Variants in EIF4E3 observed in about 807,000 individuals in gnomAD.
EIF4E3 encodes the protein eukaryotic translation initiation factor 4E type 3.
EIF4E3 carries 26 observed loss-of-function variants against 31.7 expected under a neutral mutation model. That is an observed-to-expected ratio of 0.82 (90% CI 0.60 to 1.14). The LOEUF is 1.14. EIF4E3 is among the 50% of genes most tolerant of loss of function. EIF4E3 has a pLI of 0.00. For synonymous variants in EIF4E3, 128 were observed against 107.7 expected, an observed-to-expected ratio of 1.19 and a Z score of -1.17; for missense variants, 304 against 270.9, an observed-to-expected ratio of 1.12 and a Z score of -0.86.
intron 1 of EIF4E3, among the ~76,000 whole-genome samples, chr3:71,736,781 G>A (rs1029570102): frequency 5.9e-5 from 9 of 152,192 alleles, no homozygotes; most frequent in Admixed American, 3.3e-4. Flanking sequence ...ATCCGAGAGT[G>A]AGCCCTAATG....
At chr3:71,749,920 G>A (rs1453934238) in intron 1 of EIF4E3, among the ~76,000 whole-genome samples, 1 of 152,148 alleles carries the variant, frequency 6.6e-6, no homozygotes, top group Non-Finnish European at 1.5e-5. Context: ...AATGTGAACA[G>A]TTTTTCCTTA....
intron 1 of EIF4E3, among the ~76,000 whole-genome samples, chr3:71,719,989 G>A (rs890672833): frequency 6.6e-6 from 1 of 151,870 alleles, no homozygotes; most frequent in Admixed American, 6.6e-5. Flanking sequence ...ACTCCAGCCT[G>A]GGTAACAGAG....
intron 1 of EIF4E3, among the ~76,000 whole-genome samples, chr3:71,738,904 A>C (rs1199692280): frequency 1.3e-5 from 2 of 150,578 alleles, no homozygotes; most frequent in African/African-American, 4.9e-5. Context: ...CCATAAAACA[A>C]AACTTAACAA....
the EIF4E3 span, among the ~76,000 whole-genome samples, chr3:71,668,547 A>G: frequency 3.3e-5 from 5 of 152,082 alleles, no homozygotes; most frequent in African/African-American, 1.2e-4. Context: ...ATAAATTTAC[A>G]AGAAAAAAAA....
In EIF4E3 at chr3:71,710,421, C is replaced by G. The variant is rs1459635103; in HGVS notation, c.240G>C (p.Gln80His). The change falls in exon 2 of 7, where the codon CAG (glutamine) becomes CAC (histidine). Residue 80 changes from glutamine (Q) to histidine (H), a missense_variant. Gln to His is a conservative substitution (Grantham distance 24). Transcript: ENST00000425534. The part of the protein sequence containing the change: ...ASNLKKIYTV[Q>H]TVQIFWSVYN... ...CCTCTCTTGATCTTACCTGTACTGT[C>G]TGTACTGTGTAGATTTTCTTCAGAT... The G allele has an allele frequency of 1.6e-5, 25 of 1,552,008 alleles. 1 individual carries two copies. Among genetic ancestry groups the G allele is most frequent in the Non-Finnish European group, 2.2e-5 (25 of 1,147,094 alleles).
At chr3:71,698,333 C>A (rs1380722272) in intron 3 of EIF4E3, among the ~76,000 whole-genome samples, 2 of 152,140 alleles carry the variant, frequency 1.3e-5, no homozygotes, top group Non-Finnish European at 2.9e-5. Flanking sequence ...AATACAGCTG[C>A]CACAAGGGAA....
intron 1 of EIF4E3, among the ~76,000 whole-genome samples, chr3:71,711,410 C>G (rs1469454621): frequency 6.6e-6 from 1 of 152,228 alleles, no homozygotes; most frequent in East Asian, 1.9e-4. Flanking sequence ...GAAAGCACCT[C>G]AATCACAGCT....
chr3:71,748,126 G>T (rs1170663296), intron 1 of EIF4E3, among the ~76,000 whole-genome samples: 1 of 152,156 alleles, frequency 6.6e-6, no homozygotes, highest in Non-Finnish European at 1.5e-5. Flanking sequence ...TGAATTTGGG[G>T]AACACAGCTT....
downstream of EIF4E3, among the ~76,000 whole-genome samples, chr3:71,672,489 C>G (rs766338199): frequency 6.6e-6 from 1 of 152,186 alleles, no homozygotes; most frequent in African/African-American, 2.4e-5. Flanking sequence ...ACAGCCTGAG[C>G]AGGGAGGAAG....
chr3:71,727,048 CAG>C (rs1367438478), upstream of EIF4E3, among the ~76,000 whole-genome samples: 1 of 152,202 alleles, frequency 6.6e-6, no homozygotes, highest in Non-Finnish European at 1.5e-5. Context: ...CCCAAGGTCA[CAG>C]AGCTAGTAAG....
intron 1 of EIF4E3, among the ~76,000 whole-genome samples, chr3:71,713,485 G>A (rs1194029241): frequency 6.6e-6 from 1 of 151,356 alleles, no homozygotes; most frequent in East Asian, 1.9e-4. Flanking sequence ...TGCCCAGGCT[G>A]GAGTGCAGTG....
Position 71,690,179 on chromosome 3 carries a change from AG to A in EIF4E3, c.473-15del. The stretch of plus-strand genomic sequence containing the variant: ...TTACTTCATCATCTGAGGGGAAGAC[AG>A]GAAAAAAAAAAAATGAGTGATACTT... On this transcript the variant is annotated splice_polypyrimidine_tract_variant and intron_variant, in intron 5 of 6. Coordinates refer to ENST00000425534, the MANE Select transcript of EIF4E3 (RefSeq NM_001134651.2). The A allele has an allele frequency of 6.3e-7, 1 of 1,589,006 alleles. No individual in the cohort carries two copies. Among genetic ancestry groups the A allele is most frequent in the Non-Finnish European group, 8.5e-7 (1 of 1,170,262 alleles).
chr3:71,706,554 T>A (rs75724314), intron 2 of EIF4E3, among the ~76,000 whole-genome samples: 1 of 152,166 alleles, frequency 6.6e-6, no homozygotes, highest in Non-Finnish European at 1.5e-5. Context: ...AAGTGGTTCA[T>A]GCCTGTAATC....
At chr3:71,667,349 G>A in the EIF4E3 span, among the ~76,000 whole-genome samples, 2 of 152,210 alleles carry the variant, frequency 1.3e-5, no homozygotes, top group African/African-American at 4.8e-5. Context: ...CACAAGACAA[G>A]GATGCCCTCT....
chr3:71,704,811 ATTACTT>A (rs2049266979), intron 2 of EIF4E3, among the ~76,000 whole-genome samples: 1 of 152,164 alleles, frequency 6.6e-6, no homozygotes, highest in Non-Finnish European at 1.5e-5. Flanking sequence ...AAGTGACTAA[ATTACTT>A]TTAATTAACA....
chr3:71,737,378 T>C (rs1176046245), intron 1 of EIF4E3, among the ~76,000 whole-genome samples: 4 of 152,216 alleles, frequency 2.6e-5, no homozygotes, highest in Admixed American at 1.3e-4. Context: ...TGACCACCTA[T>C]TAAATAAACA....
chr3:71,745,711 A>G (rs965470923), intron 1 of EIF4E3, among the ~76,000 whole-genome samples: 2 of 152,210 alleles, frequency 1.3e-5, no homozygotes, highest in Non-Finnish European at 2.9e-5. Flanking sequence ...GTAGCACTGT[A>G]GTCCTGGTGG....
Position 71,681,726 on chromosome 3 carries a change from A to G in EIF4E3, c.*2956T>C, listed in dbSNP as rs1399287690. On this transcript the variant is annotated 3_prime_UTR_variant, in exon 7 of 7. Coordinates refer to ENST00000425534, the MANE Select transcript of EIF4E3 (RefSeq NM_001134651.2). ...CAAGGGACAAGTTCGGCCAAGGCTC[A>G]GTTGGTGGATTGTATATTATGTCTA... 6.6e-6 allele frequency: 1 copy of G among 152,206 alleles called. No individual in the cohort carries two copies. The highest frequency in any genetic ancestry group is 2.4e-5 in the African/African-American group (1 of 41,440). The allele number at this position is 152,206 out of a possible 1,614,324, so 9.4% of individuals were successfully genotyped here.
chr3:71,731,644 G>GGT (rs1391089320), intron 1 of EIF4E3, among the ~76,000 whole-genome samples: 1 of 152,202 alleles, frequency 6.6e-6, no homozygotes, highest in African/African-American at 2.4e-5. Flanking sequence ...AGCAGATATT[G>GGT]GTTGAAAGGA....
Sources: gnomAD v4.1 joint callset for allele counts (sites outside exome capture counted in the v4.1 genomes callset) on GRCh38, gnomAD v4.1.1 for gene constraint, MANE v1.5 for transcripts, NCBI Gene and HGNC (gene_info 2026-07-23, HGNC 2026-07-21) for gene names.